Variants in CELF2 observed in about 807,000 individuals in gnomAD.
CELF2 encodes CUG triplet repeat RNA-binding protein 2.
A neutral mutation model predicts 62.6 loss-of-function variants in CELF2; 8 were observed. The observed-to-expected ratio is 0.13, with a 90% CI of 0.07 to 0.23. The LOEUF is 0.23. CELF2 is among the 10% of genes least tolerant of loss of function. The pLI is 1.00. For synonymous variants in CELF2, 258 were observed against 250.0 expected (o/e 1.03, Z -0.30); for missense variants, 333 against 671.0 (o/e 0.50, Z 5.56).
chr10:10,754,281 A>G, the CELF2 span, among the ~76,000 whole-genome samples: 19 of 151,838 alleles, frequency 1.3e-4, no homozygotes, highest in African/African-American at 4.6e-4. Context: ...AGTAGCTGGT[A>G]CTGTAAGTAC....
chr10:11,206,375 A>G (rs1376155950), intron 2 of CELF2, among the ~76,000 whole-genome samples: 2 of 152,236 alleles, frequency 1.3e-5, no homozygotes, highest in African/African-American at 4.8e-5. Context: ...CCTATCCTCT[A>G]CAGAATCTAT....
chr10:10,779,128 C>T, the CELF2 span, among the ~76,000 whole-genome samples: 1 of 152,224 alleles, frequency 6.6e-6, no homozygotes, highest in Admixed American at 6.5e-5. Flanking sequence ...TATACTGTAT[C>T]ATCTCTCCAT....
At chr10:10,817,104 T>A (rs1405418770) in intron 1 of CELF2, among the ~76,000 whole-genome samples, 1 of 152,140 alleles carries the variant, frequency 6.6e-6, no homozygotes, top group Admixed American at 6.5e-5. Flanking sequence ...AGAGGACTGA[T>A]GTTTTACATG....
the CELF2 span, among the ~76,000 whole-genome samples, chr10:10,606,953 A>G: frequency 1.2e-4 from 18 of 152,328 alleles, no homozygotes; most frequent in African/African-American, 4.3e-4. Flanking sequence ...CCCTCACCTC[A>G]TTCTGAAGTT....
intron 1 of CELF2, among the ~76,000 whole-genome samples, chr10:10,907,201 G>A (rs1028191132): frequency 1.3e-5 from 2 of 152,048 alleles, no homozygotes; most frequent in South Asian, 2.1e-4. Flanking sequence ...TTTAAATACC[G>A]AAACCTTTAA....
Position 10,831,990 on chromosome 10 carries a change from G to A in CELF2, c.53+33173G>A, listed in dbSNP as rs566391339. ...CCATCTTGAAAAAATAAATAAGGCC[G>A]GGCGCGGTGGCTCACACCTGTAATT... On this transcript the variant is annotated intron_variant, in intron 1 of 13. Coordinates refer to the CELF2 transcript ENST00000636488. Among the ~76,000 whole-genome samples, 33 of 145,402 alleles carry A rather than the reference G, an allele frequency of 2.3e-4. No homozygotes were observed. The South Asian group carries it at 5.7e-3, about 25-fold the overall frequency.
chr10:10,628,986 A>ATT, the CELF2 span, among the ~76,000 whole-genome samples: 2 of 152,340 alleles, frequency 1.3e-5, no homozygotes, highest in East Asian at 3.9e-4. Flanking sequence ...AGAGCAGAAA[A>ATT]GGACCCACAT....
chr10:10,996,070 G>A (rs1178523230), intron 2 of CELF2, among the ~76,000 whole-genome samples: 1 of 152,190 alleles, frequency 6.6e-6, no homozygotes, highest in Non-Finnish European at 1.5e-5. Flanking sequence ...ACTGGCCCAG[G>A]ACATTTTATG....
rs1357802106 is a variant in CELF2 at position 11,335,820 on chromosome 10, A to AAG, written c.*6767_*6768insAG. On this transcript the variant is annotated 3_prime_UTR_variant, in exon 13 of 13. Coordinates refer to ENST00000633077, the MANE Select transcript of CELF2 (RefSeq NM_001326342.2). The surrounding 1 kb of genome is among the most constrained non-coding windows in gnomAD (Gnocchi z 5.0). ...AAGTACATAGTTCCACCATTTTGGC[A>AAG]CAAGACAAAATACTCATGCTAAGCA... 2.0e-5 allele frequency: 3 copies of AAG among 152,316 alleles called. No homozygotes were observed. In the East Asian group the frequency reaches 5.8e-4, roughly 29 times the overall value. The allele number at this position is 152,316 out of a possible 1,614,324, so 9.4% of individuals were successfully genotyped here. A position where few individuals can be genotyped will look rare whatever the true frequency, so the allele number is the denominator to read the frequency against.
the CELF2 span, among the ~76,000 whole-genome samples, chr10:10,590,394 A>G: frequency 6.6e-6 from 1 of 152,244 alleles, no homozygotes; most frequent in African/African-American, 2.4e-5. Context: ...CTGAAGCCAG[A>G]AAAACAGGAA....
the CELF2 span, among the ~76,000 whole-genome samples, chr10:10,572,242 A>G: frequency 2.0e-5 from 3 of 151,952 alleles, no homozygotes; most frequent in Non-Finnish European, 4.4e-5. Flanking sequence ...TATATTTTCT[A>G]TTGAGGTCCC....
At chr10:10,486,721 G>A in the CELF2 span, among the ~76,000 whole-genome samples, 3 of 152,126 alleles carry the variant, frequency 2.0e-5, no homozygotes, top group Non-Finnish European at 4.4e-5. Flanking sequence ...TGGATTTTCA[G>A]ATTTAGAATG....
rs1402420275 is a variant in CELF2, at chr10:11,224,959, G to C, written c.354+7452G>C. ...GGCTCTGCCGGATATGGTCTGGTTT[G>C]TGCAGGGAAGCGCGCTGGACACTTA... On this transcript the variant is annotated intron_variant, in intron 3 of 12. Transcript: ENST00000633077. The surrounding 1 kb of genome is among the most constrained non-coding windows in gnomAD (Gnocchi z 4.5). 1.3e-5 allele frequency among the ~76,000 whole-genome samples: 2 copies of C among 152,184 alleles called. No homozygotes were observed. Among genetic ancestry groups the C allele is most frequent in the East Asian group, 1.9e-4 (1 of 5,200 alleles).
chr10:11,206,774 C>T (rs376157772), intron 2 of CELF2, among the ~76,000 whole-genome samples: 3 of 152,336 alleles, frequency 2.0e-5, no homozygotes, highest in Non-Finnish European at 2.9e-5. Context: ...AAATACAAAG[C>T]GTGATAAATT....
chr10:10,978,913 A>C (rs1030249343), intron 2 of CELF2, among the ~76,000 whole-genome samples: 1 of 152,238 alleles, frequency 6.6e-6, no homozygotes, highest in Non-Finnish European at 1.5e-5. Flanking sequence ...TTGGAAGTTA[A>C]TAGCTAGAGA....
chr10:11,093,219 T>G (rs909177929), intron 1 of CELF2, among the ~76,000 whole-genome samples: 1 of 151,216 alleles, frequency 6.6e-6, no homozygotes, highest in Non-Finnish European at 1.5e-5. Context: ...ACATTTGGTC[T>G]GTTCCCTCTT....
the CELF2 span, among the ~76,000 whole-genome samples, chr10:10,747,381 A>C: frequency 1.3e-5 from 2 of 152,228 alleles, no homozygotes; most frequent in African/African-American, 4.8e-5. Flanking sequence ...CTAGTGAAAG[A>C]GACAAATAAT....
At chr10:10,586,219 T>C in the CELF2 span, among the ~76,000 whole-genome samples, 3 of 152,206 alleles carry the variant, frequency 2.0e-5, no homozygotes, top group Non-Finnish European at 4.4e-5. Context: ...AGACAATAAC[T>C]TGCAACAGGG....
At chr10:10,723,955 C>T in the CELF2 span, among the ~76,000 whole-genome samples, 4 of 151,980 alleles carry the variant, frequency 2.6e-5, no homozygotes, top group African/African-American at 4.8e-5. Flanking sequence ...TCCAATGTAC[C>T]AGTAATCTTT....
Sources: gnomAD v4.1 joint callset for allele counts (sites outside exome capture counted in the v4.1 genomes callset) on GRCh38, gnomAD v4.1.1 for gene constraint, Gnocchi (gnomAD v3.1) non-coding constraint, MANE v1.5 for transcripts, NCBI Gene and HGNC (gene_info 2026-07-23, HGNC 2026-07-21) for gene names.